The following METTL15 variants were observed in gnomAD, a reference collection of about 807,000 sequenced individuals.
METTL15 encodes the protein methyltransferase 15, mitochondrial 12S rRNA N4-cytidine, also known as 12S rRNA N(4)-cytidine methyltransferase METTL15.
METTL15 carries 34 observed loss-of-function variants against 38.3 expected under a neutral mutation model. That is an observed-to-expected ratio of 0.89 (90% CI 0.68 to 1.18). The LOEUF is 1.18. Among genes scored for constraint, METTL15 ranks in the 50% most tolerant of loss-of-function variants. The pLI is 0.00. For synonymous variants in METTL15, 162 were observed against 170.9 expected, an observed-to-expected ratio of 0.95 and a Z score of 0.41; for missense variants, 438 against 498.4, an observed-to-expected ratio of 0.88 and a Z score of 1.15.
At chr11:28,429,559 G>A (rs1364238666) in intron 6 of METTL15, among the ~76,000 whole-genome samples, 1 of 98,248 alleles carries the variant, frequency 1.0e-5, no homozygotes, top group Non-Finnish European at 2.1e-5. Context: ...GGGTTTCGCT[G>A]TGTTGGCCGG....
intron 4 of METTL15, among the ~76,000 whole-genome samples, chr11:28,213,616 TA>T (rs530637462): frequency 0.022 from 2,968 of 132,636 alleles, 39 homozygotes; most frequent in Non-Finnish European, 0.034. Context: ...ATCTAATTCT[TA>T]AAAAAAAAAA....
intron 6 of METTL15, among the ~76,000 whole-genome samples, chr11:28,430,207 C>T (rs1448861288): frequency 3.2e-4 from 49 of 151,752 alleles, no homozygotes; most frequent in Non-Finnish European, 1.5e-4. Context: ...CCGGCAGCCA[C>T]CCCGTCCGGG....
chr11:28,211,318 T>C, intron 4 of METTL15, 120 bp downstream of exon 4: 1 of 869,356 alleles, frequency 1.2e-6, no homozygotes, highest in Non-Finnish European at 1.6e-6. Context: ...AAATATTTTC[T>C]TCTTTTTTCC....
At chr11:28,171,247 T>C (rs1850846431) in intron 3 of METTL15, among the ~76,000 whole-genome samples, 1 of 152,176 alleles carries the variant, frequency 6.6e-6, no homozygotes, top group African/African-American at 2.4e-5. Context: ...AGTTGAAGTG[T>C]CATGCGGAGA....
downstream of METTL15, among the ~76,000 whole-genome samples, chr11:28,529,453 C>T (rs1293325852): frequency 6.6e-6 from 1 of 151,916 alleles, no homozygotes; most frequent in Non-Finnish European, 1.5e-5. Context: ...TCTCCATACA[C>T]CCACTTTTTA....
Position 28,457,008 on chromosome 11 carries a change from G to A in METTL15, c.*424+32644G>A, listed in dbSNP as rs777074891. Among the ~76,000 whole-genome samples the A allele has an allele frequency of 3.9e-5, 6 of 152,172 alleles. 1 individual carries two copies. Among genetic ancestry groups the A allele is most frequent in the Admixed American group, 1.3e-4 (2 of 15,270 alleles). Reference sequence around the variant, plus strand: ...TGAATTCTTGGCCCACAGAATCTGTGAGCATAATGAAATGATGGTTGTTTT... The same window carrying A: ...TGAATTCTTGGCCCACAGAATCTGTAAGCATAATGAAATGATGGTTGTTTT... On this transcript the variant is annotated intron_variant and NMD_transcript_variant, in intron 6 of 7. Transcript: ENST00000532947.
intron 4 of METTL15, among the ~76,000 whole-genome samples, chr11:28,227,855 G>A (rs541292820): frequency 1.3e-5 from 2 of 152,062 alleles, no homozygotes; most frequent in African/African-American, 4.8e-5. Flanking sequence ...GCTGAGGATA[G>A]TTGGGCCTAG....
At chr11:28,379,713 A>G (rs996262091) in intron 5 of METTL15, among the ~76,000 whole-genome samples, 5 of 152,146 alleles carry the variant, frequency 3.3e-5, no homozygotes, top group Non-Finnish European at 1.5e-5. Flanking sequence ...TGTAAATGTC[A>G]GTTAGGATTT....
chr11:28,242,937 C>T lies in METTL15; in HGVS notation c.407+31739C>T, dbSNP rs146799916. Among the ~76,000 whole-genome samples, 234 of 151,976 alleles carry T rather than the reference C, an allele frequency of 1.5e-3. 1 individual carries two copies. Among genetic ancestry groups the T allele is most frequent in the African/African-American group, 5.2e-3 (214 of 41,482 alleles). On this transcript the variant is annotated intron_variant, in intron 4 of 6. Coordinates refer to ENST00000407364, the MANE Select transcript of METTL15 (RefSeq NM_001113528.2). ...TAATAATTTTGATGATATAAGTGTC[C>T]GTCATTGAGCGAGTGTTCTTTTGAA...
chr11:28,208,835 G>A (rs986697568), intron 3 of METTL15, among the ~76,000 whole-genome samples: 3 of 151,936 alleles, frequency 2.0e-5, no homozygotes, highest in African/African-American at 4.8e-5. Flanking sequence ...TTCAATTGTG[G>A]TGCTGGTTGG....
At chr11:28,299,896 G>A (rs923897415) in intron 6 of METTL15, among the ~76,000 whole-genome samples, 1 of 152,048 alleles carries the variant, frequency 6.6e-6, no homozygotes, top group Non-Finnish European at 1.5e-5. Flanking sequence ...TTGGCTTGTC[G>A]ATATATCACT....
At chr11:28,221,460 A>G (rs578148877) in intron 4 of METTL15, among the ~76,000 whole-genome samples, 1 of 151,990 alleles carries the variant, frequency 6.6e-6, no homozygotes, top group South Asian at 2.1e-4. Flanking sequence ...TTAACCATTC[A>G]TCTAATTTTT....
intron 6 of METTL15, among the ~76,000 whole-genome samples, chr11:28,430,171 G>A (rs530785236): frequency 9.9e-5 from 15 of 150,834 alleles, no homozygotes; most frequent in South Asian, 4.2e-4. Flanking sequence ...CAGCTGCCCC[G>A]TCTGGGAAGT....
At chr11:28,477,324 G>A (rs903801260) in intron 6 of METTL15, among the ~76,000 whole-genome samples, 1 of 152,040 alleles carries the variant, frequency 6.6e-6, no homozygotes, top group Non-Finnish European at 1.5e-5. Context: ...CTACAGGTGT[G>A]CACCACCATG....
intron 3 of METTL15, among the ~76,000 whole-genome samples, chr11:28,175,092 C>G (rs969871173): frequency 2.8e-4 from 43 of 151,404 alleles, no homozygotes; most frequent in African/African-American, 9.9e-4. Context: ...TGCTATCCCT[C>G]CCCCCTACCC....
chr11:28,529,852 T>C (rs1851834244), downstream of METTL15, among the ~76,000 whole-genome samples: 1 of 152,086 alleles, frequency 6.6e-6, no homozygotes, highest in Non-Finnish European at 1.5e-5. Flanking sequence ...ATGTAGAAAA[T>C]AAATCTTATG....
intron 3 of METTL15, among the ~76,000 whole-genome samples, chr11:28,137,684 C>A (rs1426275776): frequency 2.0e-5 from 3 of 152,130 alleles, no homozygotes; most frequent in Non-Finnish European, 4.4e-5. Flanking sequence ...ATTCAGATCA[C>A]ATATTTACAT....
chr11:28,363,281 A>T (rs1273087734), intron 5 of METTL15, among the ~76,000 whole-genome samples: 2 of 152,034 alleles, frequency 1.3e-5, no homozygotes, highest in African/African-American at 4.8e-5. Context: ...TCAAGCGATT[A>T]TCCGGCCTCA....
At chr11:28,425,924 A>T (rs1054670100) in intron 6 of METTL15, among the ~76,000 whole-genome samples, 7 of 152,134 alleles carry the variant, frequency 4.6e-5, no homozygotes, top group Admixed American at 1.3e-4. Flanking sequence ...TGCACAATGC[A>T]TGACTTTGGG....
Sources: allele counts gnomAD v4.1 joint callset (sites outside exome capture counted in the v4.1 genomes callset), GRCh38; gene constraint gnomAD v4.1.1; transcripts MANE v1.5; gene names NCBI Gene and HGNC (gene_info 2026-07-23, HGNC 2026-07-21).